Variants in KAZN observed in about 807,000 individuals in gnomAD.
The protein encoded by KAZN is kazrin.
KAZN carries 40 observed loss-of-function variants against 87.4 expected under a neutral mutation model. That is an observed-to-expected ratio of 0.46 (90% confidence interval 0.36 to 0.60). The LOEUF (loss-of-function observed/expected upper bound fraction) is 0.60, where lower values mean the gene tolerates loss of function less well. Among genes scored for constraint, KAZN ranks in the 20% least tolerant of loss-of-function variants. The probability of loss-of-function intolerance (pLI) is 0.00; values close to 1 mark genes in which losing one functional copy is unlikely to be tolerated. For synonymous variants in KAZN, 466 were observed against 458.3 expected, an observed-to-expected ratio of 1.02 and a Z score of -0.22; for missense variants, 898 against 1,073.9, an observed-to-expected ratio of 0.84 and a Z score of 2.29.
chr1:14,072,990 G>A (rs770623476), intron 1 of KAZN, among the ~76,000 whole-genome samples: 1 of 152,078 alleles, frequency 6.6e-6, no homozygotes. Context: ...TTAGATCAGG[G>A]CTGGTTCTGA....
chr1:14,096,827 T>A (rs1254948993), intron 1 of KAZN, among the ~76,000 whole-genome samples: 2 of 152,224 alleles, frequency 1.3e-5, no homozygotes, highest in African/African-American at 4.8e-5. Flanking sequence ...CTTAAAACGG[T>A]AACAGGGAGC....
intron 2 of KAZN, among the ~76,000 whole-genome samples, chr1:14,221,107 G>A (rs1324081992): frequency 6.6e-6 from 1 of 152,062 alleles, no homozygotes; most frequent in Non-Finnish European, 1.5e-5. Flanking sequence ...CTTGCTTAGT[G>A]TTTATTAGCC....
intron 4 of KAZN, among the ~76,000 whole-genome samples, 172 bp from the exon 5 acceptor site, chr1:15,055,919 A>G (rs1408848046): frequency 6.6e-6 from 1 of 152,226 alleles, no homozygotes; most frequent in Non-Finnish European, 1.5e-5. Context: ...TTCCTCCCTC[A>G]CACGGCTGCG....
intron 1 of KAZN, among the ~76,000 whole-genome samples, chr1:14,143,689 C>A (rs1256733875): frequency 1.3e-5 from 2 of 152,044 alleles, no homozygotes; most frequent in African/African-American, 4.8e-5. Context: ...ATTGCTCATC[C>A]TCCTTCCCCC....
intron 1 of KAZN, among the ~76,000 whole-genome samples, chr1:14,701,107 C>T (rs935092765): frequency 6.6e-6 from 1 of 152,156 alleles, no homozygotes; most frequent in African/African-American, 2.4e-5. Context: ...TAATGTAAAA[C>T]ATATGACATT....
At position 14,996,022 on chromosome 1, in the gene KAZN, C is replaced by T. The variant is rs2101981406; in HGVS notation, c.418+35147C>T. Among the ~76,000 whole-genome samples the T allele has an allele frequency of 6.6e-6, 1 of 152,306 alleles. No homozygotes were observed. Among genetic ancestry groups the T allele is most frequent in the Middle Eastern group, 3.4e-3 (1 of 294 alleles). ...ACCCAAGGGCGGCTGCCCTATAAGA[C>T]ACCTAATGCCATCCTCAGCCCGCGG... On this transcript the variant is annotated intron_variant, in intron 2 of 14. Transcript: ENST00000376030. This position sits in a 1 kb window ranked among gnomAD's most constrained non-coding sequence, Gnocchi z 5.9.
At chr1:14,109,360 C>T (rs1300144202) in intron 1 of KAZN, among the ~76,000 whole-genome samples, 3 of 152,232 alleles carry the variant, frequency 2.0e-5, no homozygotes, top group African/African-American at 7.2e-5. Context: ...AACTCTCCTT[C>T]TGATGTTCCT....
At chr1:14,446,609 C>T (rs1397215571) in intron 2 of KAZN, among the ~76,000 whole-genome samples, 1 of 152,164 alleles carries the variant, frequency 6.6e-6, no homozygotes, top group Non-Finnish European at 1.5e-5. Flanking sequence ...CTATCTCACT[C>T]GAGGTACCAT....
chr1:14,043,537 A>T (rs986155013), intron 1 of KAZN, among the ~76,000 whole-genome samples: 2 of 152,148 alleles, frequency 1.3e-5, no homozygotes, highest in Non-Finnish European at 2.9e-5. Context: ...TAGAGGCTAT[A>T]CTATCTTACA....
At chr1:14,484,019 C>A (rs780598988) in intron 2 of KAZN, among the ~76,000 whole-genome samples, 2 of 152,168 alleles carry the variant, frequency 1.3e-5, no homozygotes, top group East Asian at 3.8e-4. Context: ...TTAAAGAGAT[C>A]GTCTTCTCCT....
intron 2 of KAZN, among the ~76,000 whole-genome samples, chr1:14,342,349 C>T (rs1657795420): frequency 6.6e-6 from 1 of 152,148 alleles, no homozygotes; most frequent in South Asian, 2.1e-4. Context: ...TGGGTATATA[C>T]CTAGTAATGG....
chr1:14,526,355 T>G lies in KAZN; in HGVS notation c.250-72628T>G, dbSNP rs1356038290. ...GGCAGCCATATTTGGGCCTCTTTGTTGCCCATTCATGTTTCAGAGCCAGTC... is the reference window on the plus strand; with the variant it reads ...GGCAGCCATATTTGGGCCTCTTTGTGGCCCATTCATGTTTCAGAGCCAGTC... On this transcript the variant is annotated intron_variant, in intron 2 of 16. Transcript: ENST00000636203. 3.3e-5 allele frequency among the ~76,000 whole-genome samples: 5 copies of G among 152,208 alleles called. No individual in the cohort carries two copies. In the South Asian group the frequency reaches 1.0e-3, roughly 32 times the overall value.
At chr1:14,517,626 C>A (rs1207733315) in intron 2 of KAZN, among the ~76,000 whole-genome samples, 2 of 152,216 alleles carry the variant, frequency 1.3e-5, no homozygotes, top group African/African-American at 4.8e-5. Context: ...GGGCTACAAT[C>A]ATGAGAAACA....
chr1:14,965,701 C>T (rs1226472723), intron 2 of KAZN, among the ~76,000 whole-genome samples: 2 of 151,954 alleles, frequency 1.3e-5, no homozygotes, highest in Non-Finnish European at 2.9e-5. Context: ...GTTTGTTTGC[C>T]ATTATATAAC....
intron 2 of KAZN, among the ~76,000 whole-genome samples, chr1:14,378,143 C>T (rs1661063283): frequency 1.3e-5 from 2 of 152,198 alleles, no homozygotes; most frequent in Non-Finnish European, 2.9e-5. Flanking sequence ...AACTAGGTCC[C>T]ATATGACACA....
chr1:14,370,709 TGA>T (rs1166515042), intron 2 of KAZN, among the ~76,000 whole-genome samples: 5 of 152,224 alleles, frequency 3.3e-5, no homozygotes, highest in Admixed American at 3.3e-4. Flanking sequence ...TATTTAAGTT[TGA>T]GACACTGTCT....
intron 2 of KAZN, among the ~76,000 whole-genome samples, chr1:14,457,009 G>A (rs1247177663): frequency 1.3e-5 from 2 of 152,206 alleles, no homozygotes; most frequent in Non-Finnish European, 2.9e-5. Context: ...GAACCCGGGA[G>A]GCGGAGGTTG....
At chr1:14,267,799 A>C (rs1457251400) in intron 2 of KAZN, among the ~76,000 whole-genome samples, 1 of 152,110 alleles carries the variant, frequency 6.6e-6, no homozygotes, top group African/African-American at 2.4e-5. Context: ...GTCTCCACTA[A>C]AAATACAAAA....
At chr1:14,598,158 C>T (rs1033440523), upstream of KAZN, among the ~76,000 whole-genome samples, 4 of 152,056 alleles carry the variant, frequency 2.6e-5, no homozygotes, top group African/African-American at 9.7e-5. This position sits in a 1 kb window ranked among gnomAD's most constrained non-coding sequence, Gnocchi z 4.2. Flanking sequence ...GGCGCTCCCT[C>T]CTGGGGTGGG....
Sources: gnomAD v4.1 joint callset for allele counts (sites outside exome capture counted in the v4.1 genomes callset) on GRCh38, gnomAD v4.1.1 for gene constraint, Gnocchi (gnomAD v3.1) non-coding constraint, MANE v1.5 for transcripts, NCBI Gene and HGNC (gene_info 2026-07-23, HGNC 2026-07-21) for gene names.